Variants in GCLC observed in about 807,000 individuals in gnomAD.
GCLC encodes glutamate-cysteine ligase catalytic subunit, also known as glutamate--cysteine ligase catalytic subunit.
Under a neutral mutation model 81.5 loss-of-function variants are expected in GCLC, and 30 were observed. That is an observed-to-expected ratio of 0.37 (90% CI 0.28 to 0.50). The LOEUF is 0.50. Ranked by LOEUF, GCLC falls within the 20% of genes least tolerant of loss-of-function variation. The pLI is 0.96. For synonymous variants in GCLC, 262 were observed against 273.3 expected, an observed-to-expected ratio of 0.96 and a Z score of 0.41; for missense variants, 556 against 777.4, an observed-to-expected ratio of 0.72 and a Z score of 3.39.
chr6:53,522,143 T>C (rs1477093310), intron 2 of GCLC, among the ~76,000 whole-genome samples: 2 of 152,240 alleles, frequency 1.3e-5, no homozygotes, highest in African/African-American at 2.4e-5. Flanking sequence ...GTGCTTCATA[T>C]ATTAATGTAT....
Position 53,522,640 on chromosome 6 carries a change from CCAGA to C in GCLC, c.151-117_151-114del, listed in dbSNP as rs17883074. On this transcript the variant is annotated intron_variant, in intron 1 of 15. Transcript: ENST00000650454. ...AGTCTGTAAAGGATCCACAGTAACTCCAGACAGTCACATTTGTTTACAGTACAGC... is the reference window on the plus strand; with the variant it reads ...AGTCTGTAAAGGATCCACAGTAACTCCAGTCACATTTGTTTACAGTACAGC... 198 of 700,834 alleles carry C rather than the reference CCAGA, an allele frequency of 2.8e-4. 1 individual carries two copies. In the African/African-American group the frequency reaches 3.3e-3, roughly 12 times the overall value. The allele number at this position is 700,834 out of a possible 1,614,324, so 43.4% of individuals were successfully genotyped here.
Position 53,507,621 on chromosome 6 carries a change from A to G in GCLC, c.946-3T>C, listed in dbSNP as rs1764642215. 1.5e-6 allele frequency: 2 copies of G among 1,336,560 alleles called. No homozygotes were observed. The highest frequency in any genetic ancestry group is 4.6e-5 in the East Asian group (2 of 43,280). The allele number at this position is 1,336,560 out of a possible 1,614,324, so 82.8% of individuals were successfully genotyped here. ...CTATAGTTATTGTTCTTCAATGGCT[A>G]AAGATTAAAAATATATATAAATGAA... On this transcript the variant is annotated splice_region_variant and splice_polypyrimidine_tract_variant and intron_variant, in intron 8 of 15. Transcript: ENST00000650454.
At chr6:53,499,436 C>T (rs545628875) in intron 15 of GCLC, among the ~76,000 whole-genome samples, 10 of 152,238 alleles carry the variant, frequency 6.6e-5, no homozygotes, top group African/African-American at 2.4e-4. Flanking sequence ...GGCAGTATAC[C>T]ATTTGAGGGG....
intron 1 of GCLC, among the ~76,000 whole-genome samples, chr6:53,535,205 G>A (rs9474585): frequency 0.17 from 25,229 of 152,134 alleles, 3,101 homozygotes; most frequent in Admixed American, 0.33. Context: ...CAGCATAGCA[G>A]AACCTCATCT....
intron 6 of GCLC, among the ~76,000 whole-genome samples, chr6:53,512,107 T>G (rs621571): frequency 0.19 from 28,773 of 151,422 alleles, 2,772 homozygotes; most frequent in Non-Finnish European, 0.22. Context: ...TGCCACCAGG[T>G]CTAATTTTTG....
chr6:53,528,280 G>T (rs1207149233), intron 1 of GCLC, among the ~76,000 whole-genome samples: 1 of 152,150 alleles, frequency 6.6e-6, no homozygotes, highest in Non-Finnish European at 1.5e-5. Flanking sequence ...TTTAAAGATG[G>T]ACTCCCATGT....
chr6:53,542,498 C>CT (rs1216085398), intron 1 of GCLC, among the ~76,000 whole-genome samples: 1 of 142,784 alleles, frequency 7.0e-6, no homozygotes, highest in Non-Finnish European at 1.5e-5. Flanking sequence ...CAGGAGAGGC[C>CT]TTTTTTAAAA....
At chr6:53,517,724 G>A (rs1186762484) in intron 3 of GCLC, among the ~76,000 whole-genome samples, 1 of 152,078 alleles carries the variant, frequency 6.6e-6, no homozygotes, top group Admixed American at 6.6e-5. Context: ...GACACCTACG[G>A]CACTGCTTCA....
chr6:53,516,138 A>T lies in GCLC; in HGVS notation c.531T>A (p.Asp177Glu). ...AGCGAGGGTGCTTGTTTATTGCTTC[A>T]TCTGGAAAGAAGAGGGACTTGGAAG... ...GGASKSLFFP[D>E]EAINKHPRFS... The change falls in exon 4 of 16, where the codon GAT (aspartate) becomes GAA (glutamate). Residue 177 changes from aspartate to glutamate, a missense_variant. By Grantham distance (45) the Asp-to-Glu change is conservative (BLOSUM62 2). This residue lies in a region of GCLC where 234 missense variants were observed against 303.8 expected (regional missense o/e 0.77). Transcript: ENST00000650454. 6.2e-7 allele frequency: 1 copy of T among 1,613,108 alleles called. No homozygotes were observed. Among genetic ancestry groups the T allele is most frequent in the South Asian group, 1.1e-5 (1 of 91,066 alleles).
At chr6:53,524,465 C>T (rs1443855175) in intron 1 of GCLC, among the ~76,000 whole-genome samples, 1 of 152,164 alleles carries the variant, frequency 6.6e-6, no homozygotes, top group Non-Finnish European at 1.5e-5. Context: ...GGGGTCCTAA[C>T]ATTATATCAT....
At chr6:53,529,991 T>C (rs1468867602) in intron 1 of GCLC, among the ~76,000 whole-genome samples, 1 of 152,250 alleles carries the variant, frequency 6.6e-6, no homozygotes, top group African/African-American at 2.4e-5. Flanking sequence ...TTCTAAGGCA[T>C]GTTATAAATT....
At chr6:53,500,679 T>C (rs1173593786) in intron 12 of GCLC, 166 bp from the exon 13 acceptor site, 16 of 645,072 alleles carry the variant, frequency 2.5e-5, no homozygotes, top group Middle Eastern at 8.3e-4. Flanking sequence ...ATGTGAGGAC[T>C]GTATCACTCA....
intron 7 of GCLC, 84 bp downstream of exon 7, chr6:53,509,092 A>AAT: frequency 1.2e-6 from 1 of 856,914 alleles, no homozygotes. Context: ...ACTGGACTTA[A>AAT]ATAGCACACT....
chr6:53,520,915 T>C lies in GCLC; in HGVS notation c.309A>G (p.Glu103=). 6.2e-7 allele frequency: 1 copy of C among 1,614,012 alleles called. No homozygotes were observed. Among genetic ancestry groups the C allele is most frequent in the Non-Finnish European group, 8.5e-7 (1 of 1,179,826 alleles). Residue 103 remains glutamate, a synonymous_variant, in exon 3 of 16, where the codon GAA becomes GAG. Coordinates refer to ENST00000650454, the MANE Select transcript of GCLC (RefSeq NM_001498.4). The part of the protein sequence containing the change: ...WRPEYGSYMI[E]GTPGQPYGGT... ...CTCCGTAGGGCTGTCCTGGTGTCCC[T>C]TCAATCATGTAACTCCCATACTCTG...
At chr6:53,508,818 C>T in intron 7 of GCLC, 107 bp from the exon 8 acceptor site, 1 of 700,658 alleles carries the variant, frequency 1.4e-6, no homozygotes, top group Non-Finnish European at 2.5e-6. Context: ...TTATGCAACC[C>T]ATACAGAGCA....
chr6:53,522,313 C>CTT, intron 2 of GCLC, 102 bp downstream of exon 2: 1 of 766,290 alleles, frequency 1.3e-6, no homozygotes, highest in Middle Eastern at 2.3e-4. Flanking sequence ...AGCCTGTACT[C>CTT]TTAACTGTTA....
chr6:53,538,136 CTTTTTTTTTTTTT>C (rs10588842), intron 1 of GCLC, among the ~76,000 whole-genome samples: 1 of 78,904 alleles, frequency 1.3e-5, no homozygotes, highest in Non-Finnish European at 2.3e-5. Flanking sequence ...TTTTTCTTTC[CTTTTTTTTTTTTT>C]TTTTTTTTTT....
intron 6 of GCLC, among the ~76,000 whole-genome samples, chr6:53,512,572 T>C (rs569564682): frequency 6.6e-6 from 1 of 152,188 alleles, no homozygotes; most frequent in South Asian, 2.1e-4. Context: ...GGTGGTGAAT[T>C]GGCAAAATTC....
chr6:53,537,201 C>T (rs3799699), intron 1 of GCLC, among the ~76,000 whole-genome samples: 17,959 of 152,230 alleles, frequency 0.12, 1,733 homozygotes, highest in Admixed American at 0.29. Flanking sequence ...CCAGAATCAA[C>T]TGAAGTGCTC....
Sources: allele counts gnomAD v4.1 joint callset (sites outside exome capture counted in the v4.1 genomes callset), GRCh38; gene constraint gnomAD v4.1.1; regional missense constraint gnomAD v4.1.1; transcripts MANE v1.5; gene names NCBI Gene and HGNC (gene_info 2026-07-23, HGNC 2026-07-21).